The following CORIN variants were observed in gnomAD, a reference collection of about 807,000 sequenced individuals.
CORIN encodes atrial natriuretic peptide-converting enzyme.
A neutral mutation model predicts 125.3 loss-of-function variants in CORIN; 117 were observed. That is an observed-to-expected ratio of 0.93 (90% CI 0.80 to 1.09). CORIN has a LOEUF of 1.09. Ranked by LOEUF, CORIN falls within the 50% of genes least tolerant of loss-of-function variation. The pLI is 0.00. For missense variants in CORIN, 1,253 were observed against 1,306.7 expected (o/e 0.96, Z 0.63); for synonymous variants, 450 against 466.4 (o/e 0.96, Z 0.45).
At chr4:47,710,872 T>C (rs572876256) in intron 5 of CORIN, among the ~76,000 whole-genome samples, 54 of 152,380 alleles carry the variant, frequency 3.5e-4, no homozygotes, top group African/African-American at 1.3e-3. Context: ...CATGATCTAT[T>C]ACCCATCAAA....
chr4:47,741,101 T>C (rs1210048039), intron 5 of CORIN, among the ~76,000 whole-genome samples: 2 of 151,884 alleles, frequency 1.3e-5, no homozygotes, highest in African/African-American at 4.8e-5. Context: ...ACAGATAAAC[T>C]GGACTTCCTC....
intron 5 of CORIN, among the ~76,000 whole-genome samples, chr4:47,734,751 G>A (rs1728047855): frequency 6.6e-6 from 1 of 152,068 alleles, no homozygotes; most frequent in Non-Finnish European, 1.5e-5. Context: ...GTAATTTTTT[G>A]TTGTGGGAGG....
chr4:47,822,075 T>C (rs1051499450), intron 1 of CORIN, among the ~76,000 whole-genome samples: 8 of 152,202 alleles, frequency 5.3e-5, no homozygotes, highest in Admixed American at 2.0e-4. Flanking sequence ...AAAGAAAAAA[T>C]GTCCATGACT....
intron 1 of CORIN, among the ~76,000 whole-genome samples, chr4:47,811,920 T>C (rs1240076436): frequency 1.3e-5 from 2 of 152,236 alleles, no homozygotes; most frequent in Admixed American, 6.5e-5. Context: ...TACTATCTGA[T>C]ACTTTATAGA....
At chr4:47,612,829 G>T (rs1397661107) in intron 19 of CORIN, among the ~76,000 whole-genome samples, 2 of 152,244 alleles carry the variant, frequency 1.3e-5, no homozygotes, top group Admixed American at 6.5e-5. Flanking sequence ...ATAGCAGGAA[G>T]ATGTGTGCTC....
chr4:47,740,451 C>T (rs527250107), intron 5 of CORIN, among the ~76,000 whole-genome samples: 38 of 151,916 alleles, frequency 2.5e-4, no homozygotes, highest in South Asian at 1.0e-3. Context: ...GTTTTCCTGA[C>T]GAATTGACCC....
At chr4:47,606,167 A>G (rs534292821) in intron 19 of CORIN, among the ~76,000 whole-genome samples, 22 of 152,204 alleles carry the variant, frequency 1.4e-4, no homozygotes, top group South Asian at 4.1e-4. Context: ...TAATTGAGTG[A>G]AGGTAGACAA....
chr4:47,738,220 C>T (rs1728220756), intron 5 of CORIN, among the ~76,000 whole-genome samples: 1 of 152,058 alleles, frequency 6.6e-6, no homozygotes, highest in African/African-American at 2.4e-5. Flanking sequence ...AATATCTCAC[C>T]TGTGGCAGAC....
chr4:47,605,459 A>G (rs1721613134), intron 19 of CORIN, among the ~76,000 whole-genome samples: 1 of 152,080 alleles, frequency 6.6e-6, no homozygotes, highest in South Asian at 2.1e-4. Flanking sequence ...CTTCACTCCC[A>G]GTCTCTCCTC....
rs752408919 is a variant in CORIN at position 47,623,560 on chromosome 4, G to A, written c.2540+11C>T. ...ATCCAGGCAAAGGAAAAAAGGAAAG[G>A]TGCAGCTTACCCCTCGAAGCAGTGG... On this transcript the variant is annotated intron_variant, in intron 19 of 21. Coordinates refer to ENST00000273857, the MANE Select transcript of CORIN (RefSeq NM_006587.4). 6.2e-7 allele frequency: 1 copy of A among 1,612,874 alleles called. No homozygotes were observed.
chr4:47,632,733 A>AGATAGATAGAT (rs1275447716), intron 16 of CORIN, among the ~76,000 whole-genome samples: 2 of 110,744 alleles, frequency 1.8e-5, no homozygotes, highest in African/African-American at 3.6e-5. Flanking sequence ...GATGATAGAT[A>AGATAGATAGAT]GATAGATAGA....
At chr4:47,830,586 C>T (rs899042451) in intron 1 of CORIN, among the ~76,000 whole-genome samples, 2 of 152,212 alleles carry the variant, frequency 1.3e-5, no homozygotes, top group Non-Finnish European at 2.9e-5. Flanking sequence ...ATACCTGTCA[C>T]ATAAATGTTT....
chr4:47,677,728 G>A (rs1362224942), intron 9 of CORIN, among the ~76,000 whole-genome samples: 3 of 152,184 alleles, frequency 2.0e-5, no homozygotes, highest in African/African-American at 4.8e-5. Context: ...TGTCTCACCT[G>A]AGGAATGATT....
At chr4:47,641,563 A>C (rs1723230596) in intron 16 of CORIN, among the ~76,000 whole-genome samples, 2 of 151,136 alleles carry the variant, frequency 1.3e-5, no homozygotes, top group South Asian at 4.1e-4. Context: ...GTGTTGCTTA[A>C]GAAGAAATTT....
At chr4:47,817,936 G>A (rs1229997882) in intron 1 of CORIN, among the ~76,000 whole-genome samples, 3 of 152,194 alleles carry the variant, frequency 2.0e-5, no homozygotes, top group African/African-American at 7.2e-5. Flanking sequence ...ACAGCTGGTA[G>A]ATTTACCCTT....
intron 13 of CORIN, among the ~76,000 whole-genome samples, chr4:47,652,073 T>C (rs1409699177): frequency 6.6e-6 from 1 of 152,212 alleles, no homozygotes; most frequent in Admixed American, 6.5e-5. Flanking sequence ...CATAGTTCAG[T>C]GAACAAATCT....
intron 5 of CORIN, among the ~76,000 whole-genome samples, chr4:47,699,522 A>C (rs1726188122): frequency 1.3e-5 from 2 of 152,242 alleles, no homozygotes; most frequent in Non-Finnish European, 1.5e-5. Flanking sequence ...ATTTCCTTGA[A>C]GAAAGGCATT....
chr4:47,816,192 C>T (rs1732259764), intron 1 of CORIN, among the ~76,000 whole-genome samples: 1 of 152,146 alleles, frequency 6.6e-6, no homozygotes, highest in Non-Finnish European at 1.5e-5. Context: ...AACCTACCTG[C>T]TGAAAAGGAA....
At chr4:47,832,313 C>T (rs1484278762) in intron 1 of CORIN, among the ~76,000 whole-genome samples, 3 of 152,090 alleles carry the variant, frequency 2.0e-5, no homozygotes, top group Admixed American at 2.0e-4. Context: ...AATGCCTAGG[C>T]CACGTAAGAG....
Sources: allele counts gnomAD v4.1 joint callset (sites outside exome capture counted in the v4.1 genomes callset), GRCh38; gene constraint gnomAD v4.1.1; transcripts MANE v1.5; gene names NCBI Gene and HGNC (gene_info 2026-07-23, HGNC 2026-07-21).